Variants in ALDH1A2 observed in about 807,000 individuals in gnomAD.
The protein encoded by ALDH1A2 is aldehyde dehydrogenase 1 family member A2, also known as retinal dehydrogenase 2.
In ALDH1A2, 27 loss-of-function variants were observed where a neutral mutation model predicts 60.3. The observed-to-expected ratio is 0.45, with a 90% CI of 0.33 to 0.62. The LOEUF (loss-of-function observed/expected upper bound fraction) is 0.62, where lower values mean the gene tolerates loss of function less well. Ranked by LOEUF, ALDH1A2 falls within the 20% of genes least tolerant of loss-of-function variation. The pLI is 0.02. For missense variants in ALDH1A2, 581 were observed against 643.8 expected, an observed-to-expected ratio of 0.90 and a Z score of 1.06; for synonymous variants, 289 against 232.4, an observed-to-expected ratio of 1.24 and a Z score of -2.21.
Position 58,014,214 on chromosome 15 carries a change from G to A in ALDH1A2, c.185C>T (p.Thr62Ile). 6.2e-7 allele frequency: 1 copy of A among 1,614,098 alleles called. No homozygotes were observed. Among genetic ancestry groups the A allele is most frequent in the Non-Finnish European group, 8.5e-7 (1 of 1,179,982 alleles). The change falls in exon 2 of 13, where the codon ACA (threonine) becomes ATA (isoleucine). Residue 62 changes from threonine to isoleucine, a missense_variant. By Grantham distance (89) the Thr-to-Ile change is moderately conservative. Coordinates refer to ENST00000249750, the MANE Select transcript of ALDH1A2 (RefSeq NM_003888.4). ...TTGAACTTCACACACCTGTTCTCCT[G>A]TGGCTGGATTATAGACAGGGAACAC... ...GRVFPVYNPA[T>I]GEQVCEVQEA...
At chr15:58,033,830 T>G (rs998779425) in intron 1 of ALDH1A2, among the ~76,000 whole-genome samples, 10 of 145,564 alleles carry the variant, frequency 6.9e-5, no homozygotes, top group African/African-American at 2.5e-4. Flanking sequence ...TTCTCTTCTC[T>G]ATTTCACTTA....
chr15:58,060,461 A>AATTTTTT (rs1566964196), intron 1 of ALDH1A2, among the ~76,000 whole-genome samples: 1 of 111,796 alleles, frequency 8.9e-6, no homozygotes, highest in Admixed American at 9.8e-5. Context: ...TGCCACACAT[A>AATTTTTT]TCTTTTTTTT....
At chr15:58,002,479 T>G (rs1406950185) in intron 4 of ALDH1A2, among the ~76,000 whole-genome samples, 2 of 151,960 alleles carry the variant, frequency 1.3e-5, no homozygotes, top group Non-Finnish European at 2.9e-5. Flanking sequence ...ACTGATGGAA[T>G]TTTTAGTCTC....
chr15:57,972,641 T>C (rs1240801454), intron 7 of ALDH1A2, among the ~76,000 whole-genome samples: 1 of 152,192 alleles, frequency 6.6e-6, no homozygotes, highest in African/African-American at 2.4e-5. Flanking sequence ...GCAGAGACTA[T>C]ACCATACTTA....
chr15:57,956,946 A>G (rs1378218999), intron 12 of ALDH1A2, among the ~76,000 whole-genome samples: 4 of 152,154 alleles, frequency 2.6e-5, no homozygotes, highest in African/African-American at 7.2e-5. Flanking sequence ...TGACTGTTGG[A>G]TCCTACCGTT....
At chr15:58,043,473 T>G (rs1048191301) in intron 1 of ALDH1A2, among the ~76,000 whole-genome samples, 1 of 152,020 alleles carries the variant, frequency 6.6e-6, no homozygotes, top group Non-Finnish European at 1.5e-5. Context: ...TTGTTCCTTC[T>G]CTAAAGAGTG....
intron 7 of ALDH1A2, among the ~76,000 whole-genome samples, chr15:57,985,275 C>G (rs372379188): frequency 2.6e-5 from 4 of 152,136 alleles, no homozygotes; most frequent in Non-Finnish European, 5.9e-5. Flanking sequence ...TAACACTGCC[C>G]TTTCTTCCCA....
intron 1 of ALDH1A2, among the ~76,000 whole-genome samples, chr15:58,046,379 C>T (rs1189046577): frequency 2.6e-5 from 4 of 151,954 alleles, no homozygotes; most frequent in Admixed American, 2.6e-4. Flanking sequence ...TTAATTTATT[C>T]ATGCTTGATG....
At chr15:57,978,313 G>T (rs554995645) in intron 7 of ALDH1A2, among the ~76,000 whole-genome samples, 1 of 152,276 alleles carries the variant, frequency 6.6e-6, no homozygotes, top group South Asian at 2.1e-4. Flanking sequence ...CATTCAGTAC[G>T]ATGTTGCCTG....
In ALDH1A2 at chr15:58,010,142, A is replaced by G. The variant is rs1202544848; in HGVS notation, c.493+507T>C. The stretch of plus-strand genomic sequence containing the variant: ...TTTGTATAGATTATGAAAGTAATTC[A>G]CGGCCGTTCGAGAAATATAGAAAGT... On this transcript the variant is annotated intron_variant, in intron 4 of 12. Transcript: ENST00000249750. 2.0e-5 allele frequency among the ~76,000 whole-genome samples: 3 copies of G among 152,200 alleles called. No individual in the cohort carries two copies. In the East Asian group the frequency reaches 5.8e-4, roughly 29 times the overall value.
chr15:57,977,589 C>A (rs1367284688), intron 7 of ALDH1A2, among the ~76,000 whole-genome samples: 1 of 152,150 alleles, frequency 6.6e-6, no homozygotes, highest in Non-Finnish European at 1.5e-5. Flanking sequence ...GTGTTTGTAC[C>A]AGTACCATGC....
chr15:57,990,794 T>C (rs1310794050), intron 7 of ALDH1A2, among the ~76,000 whole-genome samples: 1 of 147,480 alleles, frequency 6.8e-6, no homozygotes, highest in Non-Finnish European at 1.5e-5. Flanking sequence ...GAGAATCGCT[T>C]GAACCTGGGG....
At chr15:58,056,053 A>G (rs1896888006) in intron 1 of ALDH1A2, among the ~76,000 whole-genome samples, 1 of 152,136 alleles carries the variant, frequency 6.6e-6, no homozygotes, top group Non-Finnish European at 1.5e-5. Context: ...AGCGCACATG[A>G]GCAAGAGTAC....
chr15:58,062,954 G>A (rs12440500), intron 1 of ALDH1A2, among the ~76,000 whole-genome samples: 2 of 152,104 alleles, frequency 1.3e-5, no homozygotes, highest in Admixed American at 1.3e-4. Context: ...ATTTCCACTG[G>A]ACCTCTAGCA....
At position 57,955,489 on chromosome 15, in the gene ALDH1A2, A is replaced by T. The variant is rs1434631758; in HGVS notation, c.1485-220T>A. On this transcript the variant is annotated intron_variant, in intron 12 of 12. Coordinates refer to ENST00000249750, the MANE Select transcript of ALDH1A2 (RefSeq NM_003888.4). ...TTTAAAGAAGTTTTTTTAAAACTTT[A>T]AAGTTTTTTAAAGTAGTTTTAAAGT... Among the ~76,000 whole-genome samples, 17 of 152,322 alleles carry T rather than the reference A, an allele frequency of 1.1e-4. 1 individual carries two copies. In the East Asian group the frequency reaches 3.3e-3, roughly 29 times the overall value.
intron 1 of ALDH1A2, chr15:58,014,585 A>G: frequency 2.1e-6 from 1 of 473,790 alleles, no homozygotes; most frequent in South Asian, 1.5e-5. Context: ...TGCTAAGGCA[A>G]GAGTTATCGA....
In ALDH1A2 at chr15:58,027,798, A is replaced by C. The variant is rs1169339395; in HGVS notation, c.118-13517T>G. ...TCAATCAAGTAGAAGAAAGGCTATC[A>C]GTGATTGAAGATCAAATTAATGAAA... On this transcript the variant is annotated intron_variant, in intron 1 of 12. Transcript: ENST00000249750. Among the ~76,000 whole-genome samples the C allele has an allele frequency of 2.6e-5, 4 of 152,162 alleles. No homozygotes were observed. In the East Asian group the frequency reaches 7.7e-4, roughly 29 times the overall value.
At chr15:58,013,812 A>G in intron 3 of ALDH1A2, 46 bp downstream of exon 3, 7 of 1,610,766 alleles carry the variant, frequency 4.3e-6, no homozygotes, top group Non-Finnish European at 5.9e-6. Flanking sequence ...TTTCAGCAGA[A>G]TGGCAAATGT....
intron 8 of ALDH1A2, chr15:57,964,822 G>A (rs1893841532): frequency 6.6e-6 from 1 of 152,250 alleles, no homozygotes; most frequent in South Asian, 2.1e-4. Context: ...GTCAATGTTA[G>A]GGAGATGAAG....
Sources: allele counts gnomAD v4.1 joint callset (sites outside exome capture counted in the v4.1 genomes callset), GRCh38; gene constraint gnomAD v4.1.1; transcripts MANE v1.5; gene names NCBI Gene and HGNC (gene_info 2026-07-23, HGNC 2026-07-21).